NPAT: variants seen among roughly 807,000 people sequenced by gnomAD.
NPAT encodes the protein protein NPAT.
NPAT carries 52 observed loss-of-function variants against 130.7 expected under a neutral mutation model. The observed-to-expected ratio is 0.40, with a 90% CI of 0.32 to 0.50. The LOEUF (loss-of-function observed/expected upper bound fraction) is 0.50. NPAT is among the 20% of genes least tolerant of loss of function. NPAT has a pLI of 0.68. For synonymous variants in NPAT, 580 were observed against 584.8 expected (o/e 0.99, Z 0.12); for missense variants, 1,687 against 1,662.6 (o/e 1.01, Z -0.26).
At chr11:108,205,341 G>A (rs987019298) in intron 1 of NPAT, among the ~76,000 whole-genome samples, 2 of 152,238 alleles carry the variant, frequency 1.3e-5, no homozygotes, top group Non-Finnish European at 2.9e-5. Flanking sequence ...GCTCACTGTA[G>A]CTTTGAATGC....
chr11:108,221,230 T>C (rs1320810922), intron 1 of NPAT, among the ~76,000 whole-genome samples: 1 of 152,120 alleles, frequency 6.6e-6, no homozygotes, highest in Non-Finnish European at 1.5e-5. Flanking sequence ...ATCTAGTGAA[T>C]AGAAGCCAGG....
At position 108,161,090 on chromosome 11, in the gene NPAT, G is replaced by A; in HGVS notation, c.3996C>T (p.Ala1332=). The A allele has an allele frequency of 3.7e-6, 6 of 1,614,034 alleles. No individual in the cohort carries two copies. Among genetic ancestry groups the A allele is most frequent in the Non-Finnish European group, 5.1e-6 (6 of 1,180,024 alleles). ...TGSENSVNMA[A]HTLMILSRAA... is the part of the protein sequence containing the mutation. ...CCCTGGAGAGAATCATTAATGTGTG[G>A]GCAGCCATATTTACACTGTTTTCAC... Residue 1332 remains alanine, a synonymous_variant, in exon 17 of 18, where the codon GCC becomes GCT. Coordinates refer to ENST00000278612, the MANE Select transcript of NPAT (RefSeq NM_002519.3).
At chr11:108,160,568 C>T (rs6589006) in intron 17 of NPAT, among the ~76,000 whole-genome samples, 16,645 of 52,072 alleles carry the variant, frequency 0.32, 2,859 homozygotes, top group African/African-American at 0.5. Flanking sequence ...AAAACTTTTT[C>T]TTTTCCCCCG....
At chr11:108,202,954 G>A (rs896175509) in intron 1 of NPAT, among the ~76,000 whole-genome samples, 8 of 152,234 alleles carry the variant, frequency 5.3e-5, no homozygotes, top group African/African-American at 1.7e-4. Flanking sequence ...TTACTTCAAG[G>A]AGGCTGTCAC....
intron 1 of NPAT, among the ~76,000 whole-genome samples, chr11:108,214,575 C>A (rs933136656): frequency 1.3e-5 from 2 of 150,980 alleles, no homozygotes; most frequent in African/African-American, 4.9e-5. Context: ...TGAAAAACAA[C>A]GAAGTTTACA....
At chr11:108,208,905 C>A (rs570901732) in intron 1 of NPAT, among the ~76,000 whole-genome samples, 1 of 152,194 alleles carries the variant, frequency 6.6e-6, no homozygotes, top group Non-Finnish European at 1.5e-5. Flanking sequence ...TATATTAGGA[C>A]ATGAAATAAG....
At chr11:108,160,195 T>C (rs1176270715) in intron 17 of NPAT, among the ~76,000 whole-genome samples, 2 of 150,764 alleles carry the variant, frequency 1.3e-5, no homozygotes, top group Admixed American at 6.6e-5. Context: ...CAGTGGCGCA[T>C]GCCTGTAGTC....
rs2078176043 is a variant in NPAT, at chr11:108,192,141, C to T, written c.267G>A (p.Leu89=). The T allele has an allele frequency of 1.2e-6, 2 of 1,604,842 alleles. No homozygotes were observed. Among genetic ancestry groups the T allele is most frequent in the Non-Finnish European group, 1.7e-6 (2 of 1,171,768 alleles). ...ACCTGATCTGAGAAAGTGTATGGTCCAATTTCTTCCATAGAGATGACATTA... is the reference window on the plus strand; with the variant it reads ...ACCTGATCTGAGAAAGTGTATGGTCTAATTTCTTCCATAGAGATGACATTA... ...PAIMSSLWKK[L]DHTLSQIRSM... Residue 89 remains leucine (L), a synonymous_variant, in exon 4 of 18, where the codon TTG becomes TTA. Transcript: ENST00000278612.
chr11:108,185,128 A>G, intron 10 of NPAT, 104 bp downstream of exon 10: 4 of 792,688 alleles, frequency 5.0e-6, no homozygotes, highest in Admixed American at 4.0e-5. Context: ...ATGGCAAATC[A>G]TAACATCTTA....
At chr11:108,196,468 T>C (rs2078221835) in intron 2 of NPAT, among the ~76,000 whole-genome samples, 1 of 151,596 alleles carries the variant, frequency 6.6e-6, no homozygotes, top group South Asian at 2.1e-4. Flanking sequence ...TTGTGTTATC[T>C]ATAAAAATGC....
chr11:108,210,696 A>G (rs78756059), intron 1 of NPAT, among the ~76,000 whole-genome samples: 35 of 152,336 alleles, frequency 2.3e-4, no homozygotes, highest in African/African-American at 8.4e-4. Flanking sequence ...CAGACCTATA[A>G]CAAGAAATGG....
Position 108,161,291 on chromosome 11 carries a change from T to C in NPAT, c.3795A>G (p.Leu1265=). 1 of 1,614,204 alleles carries C rather than the reference T, an allele frequency of 6.2e-7. No individual in the cohort carries two copies. The highest frequency in any genetic ancestry group is 8.5e-7 in the Non-Finnish European group (1 of 1,180,032). ...CTGAGCCAGGTGTCCGGGGCACAGG[T>C]AAATCACTACTATCAGCAAGCCTAC... The part of the protein sequence containing the change: ...SVSRLADSSD[L]PVPRTPGSGA... Residue 1265 remains leucine (L), a synonymous_variant, in exon 17 of 18, where the codon TTA becomes TTG. Coordinates refer to ENST00000278612, the MANE Select transcript of NPAT (RefSeq NM_002519.3).
chr11:108,180,129 TCAGCCTGGC>T (rs1446123439), intron 10 of NPAT, among the ~76,000 whole-genome samples: 1 of 152,034 alleles, frequency 6.6e-6, no homozygotes, highest in Non-Finnish European at 1.5e-5. Flanking sequence ...GAGTTCTAGA[TCAGCCTGGC>T]CAACATGACA....
At chr11:108,189,033 A>G in intron 6 of NPAT, 73 bp downstream of exon 6, 3 of 1,195,192 alleles carry the variant, frequency 2.5e-6, no homozygotes, top group South Asian at 2.5e-5. Flanking sequence ...ATGAGTATAA[A>G]GACATTAGTA....
At chr11:108,211,727 G>C (rs1331851400) in intron 1 of NPAT, among the ~76,000 whole-genome samples, 1 of 152,098 alleles carries the variant, frequency 6.6e-6, no homozygotes, top group Non-Finnish European at 1.5e-5. Flanking sequence ...CATTATCATG[G>C]AAAAAGAACT....
chr11:108,186,023 GTT>G (rs932172814), intron 8 of NPAT, among the ~76,000 whole-genome samples: 1 of 145,646 alleles, frequency 6.9e-6, no homozygotes, highest in Non-Finnish European at 1.5e-5. Flanking sequence ...TCGCCGGCCA[GTT>G]TTTTTTTTTG....
intron 5 of NPAT, among the ~76,000 whole-genome samples, chr11:108,190,241 A>T (rs1410674564): frequency 8.1e-6 from 1 of 123,532 alleles, no homozygotes; most frequent in Non-Finnish European, 1.6e-5. Context: ...TGAACCCGGG[A>T]GGTGGAGGTT....
chr11:108,218,913 T>G (rs1251803448), intron 1 of NPAT, among the ~76,000 whole-genome samples: 1 of 152,204 alleles, frequency 6.6e-6, no homozygotes, highest in East Asian at 1.9e-4. Flanking sequence ...TATTATTAAA[T>G]AAACAAAGGA....
At chr11:108,189,050 C>G in intron 6 of NPAT, 56 bp downstream of exon 6, 2 of 1,346,366 alleles carry the variant, frequency 1.5e-6, no homozygotes, top group Non-Finnish European at 2.1e-6. Context: ...AGTATATTAT[C>G]TCATTCATAC....
Sources: gnomAD v4.1 joint callset for allele counts (sites outside exome capture counted in the v4.1 genomes callset) on GRCh38, gnomAD v4.1.1 for gene constraint, MANE v1.5 for transcripts, NCBI Gene and HGNC (gene_info 2026-07-23, HGNC 2026-07-21) for gene names.